Variants in ANK3 observed in about 807,000 individuals in gnomAD.
The protein encoded by ANK3 is ankyrin-3.
ANK3 carries 57 observed loss-of-function variants against 370.9 expected under a neutral mutation model. That is an observed-to-expected ratio of 0.15 (90% CI 0.12 to 0.19). ANK3 has a LOEUF of 0.19. Ranked by LOEUF, ANK3 falls within the 10% of genes least tolerant of loss-of-function variation. ANK3 has a pLI of 1.00. For synonymous variants in ANK3, 1,929 were observed against 1,946.3 expected, an observed-to-expected ratio of 0.99 and a Z score of 0.23; for missense variants, 4,439 against 5,302.1, an observed-to-expected ratio of 0.84 and a Z score of 5.06.
chr10:60,309,488 A>G (rs2045885011), intron 1 of ANK3, among the ~76,000 whole-genome samples: 1 of 152,180 alleles, frequency 6.6e-6, no homozygotes, highest in African/African-American at 2.4e-5. Context: ...TTGAAAATGT[A>G]ATGAACTCTG....
At chr10:60,699,026 G>T (rs1382609419) in intron 1 of ANK3, among the ~76,000 whole-genome samples, 2 of 150,490 alleles carry the variant, frequency 1.3e-5, no homozygotes, top group Non-Finnish European at 3.0e-5. Context: ...AGTAACTCAG[G>T]AATGGAAAAC....
intron 8 of ANK3, among the ~76,000 whole-genome samples, chr10:60,222,771 G>C (rs61847663): frequency 0.57 from 86,163 of 151,188 alleles, 24,656 homozygotes; most frequent in East Asian, 0.79. Flanking sequence ...GAGTCCCTCC[G>C]TTGTTTTACT....
intron 2 of ANK3, among the ~76,000 whole-genome samples, chr10:60,592,694 G>A (rs991613434): frequency 6.6e-6 from 1 of 152,148 alleles, no homozygotes; most frequent in Non-Finnish European, 1.5e-5. Flanking sequence ...AACTCAGGAG[G>A]CAGAAGTCGC....
rs116204184 is a variant in ANK3, at chr10:60,288,635, T to G, written c.115-8996A>C. 5.1e-3 allele frequency among the ~76,000 whole-genome samples: 781 copies of G among 152,170 alleles called. 5 individuals are homozygous for G. Among genetic ancestry groups the G allele is most frequent in the African/African-American group, 0.017 (720 of 41,522 alleles). On this transcript the variant is annotated intron_variant, in intron 1 of 43. Transcript: ENST00000280772. ...TAGACAGTCTCTATGCAAAGGGGATTCCCCTGGGACGGGGGAGTAGGCGAA... is the reference window on the plus strand; with the variant it reads ...TAGACAGTCTCTATGCAAAGGGGATGCCCCTGGGACGGGGGAGTAGGCGAA...
chr10:60,464,734 C>T (rs567025921), intron 2 of ANK3, among the ~76,000 whole-genome samples: 2 of 152,236 alleles, frequency 1.3e-5, no homozygotes, highest in South Asian at 4.1e-4. Flanking sequence ...TATTCAACAA[C>T]AAAATTATAA....
At chr10:60,157,997 C>T (rs1485877153) in intron 23 of ANK3, among the ~76,000 whole-genome samples, 1 of 151,240 alleles carries the variant, frequency 6.6e-6, no homozygotes, top group Non-Finnish European at 1.5e-5. Context: ...GGGAACTTTA[C>T]AAACCTAGAG....
intron 2 of ANK3, among the ~76,000 whole-genome samples, chr10:60,477,750 T>G (rs1377971333): frequency 6.6e-6 from 1 of 151,910 alleles, no homozygotes; most frequent in African/African-American, 2.4e-5. Flanking sequence ...TATAAATGAC[T>G]GAGAAAACAG....
intron 25 of ANK3, among the ~76,000 whole-genome samples, chr10:60,133,279 G>T (rs2094186333): frequency 6.6e-6 from 1 of 152,192 alleles, no homozygotes; most frequent in Non-Finnish European, 1.5e-5. Flanking sequence ...TTATTGTCCA[G>T]ATAGTTTCAT....
At chr10:60,500,576 G>C (rs1210966747) in intron 2 of ANK3, among the ~76,000 whole-genome samples, 1 of 152,140 alleles carries the variant, frequency 6.6e-6, no homozygotes, top group Admixed American at 6.5e-5. Flanking sequence ...TGAAAATACA[G>C]TGAGGTTTTG....
rs375296675 is a variant in ANK3 at position 60,091,053 on chromosome 10, C to T, written c.3329-2695G>A. Reference sequence around the variant, plus strand: ...CTGAATAGCTGGGATTACAGGCACACGCCACCACGCCCAGCTAATTTTTGT... The same window carrying T: ...CTGAATAGCTGGGATTACAGGCACATGCCACCACGCCCAGCTAATTTTTGT... On this transcript the variant is annotated intron_variant, in intron 28 of 43. Transcript: ENST00000280772. Among the ~76,000 whole-genome samples, 8 of 152,130 alleles carry T rather than the reference C, an allele frequency of 5.3e-5. No individual in the cohort carries two copies. The East Asian group carries it at 5.8e-4, about 11-fold the overall frequency.
In ANK3 at chr10:60,200,164, C is replaced by A. The variant is rs2096650500; in HGVS notation, c.1456G>T (p.Val486Leu). Reference protein sequence around the residue: ...SGQAEVVRYLVQDGAQVEAKA... With the variant: ...SGQAEVVRYLLQDGAQVEAKA... ...GCTTCTACCTGAGCTCCGTCTTGTA[C>A]CAGATACCGCACAACTTCAGCTTGG... The change falls in exon 13 of 44, where the codon GTA becomes TTA. Residue 486 changes from valine (V) to leucine (L), a missense_variant. Around this residue, in one of 13 missense-constraint regions of ANK3, gnomAD observed 227 missense variants for 377.6 expected, o/e 0.60. Transcript: ENST00000280772. 6.2e-7 allele frequency: 1 copy of A among 1,614,022 alleles called. No homozygotes were observed. Among genetic ancestry groups the A allele is most frequent in the Non-Finnish European group, 8.5e-7 (1 of 1,180,024 alleles).
intron 7 of ANK3, among the ~76,000 whole-genome samples, chr10:60,255,985 A>G (rs2097729275): frequency 6.6e-6 from 1 of 152,158 alleles, no homozygotes; most frequent in South Asian, 2.1e-4. Context: ...AGACTCTGCA[A>G]CACAGTGGTC....
At chr10:60,579,673 A>G (rs1011829883) in intron 2 of ANK3, among the ~76,000 whole-genome samples, 1 of 152,210 alleles carries the variant, frequency 6.6e-6, no homozygotes, top group Non-Finnish European at 1.5e-5. Context: ...TTTTAAAATA[A>G]GTGTATACTG....
chr10:60,485,755 T>C (rs1291166504), intron 2 of ANK3, among the ~76,000 whole-genome samples: 1 of 152,210 alleles, frequency 6.6e-6, no homozygotes, highest in Admixed American at 6.5e-5. Context: ...TCTAGCACAC[T>C]TGAGTTGTAT....
At chr10:60,180,594 C>CAAAAAAAAAAA (rs58386273) in intron 18 of ANK3, among the ~76,000 whole-genome samples, 675 of 63,172 alleles carry the variant, frequency 0.011, 63 homozygotes, top group Non-Finnish European at 0.014. Context: ...GACTCCGTCT[C>CAAAAAAAAAAA]AAAAAAAAAA....
intron 1 of ANK3, among the ~76,000 whole-genome samples, chr10:60,634,865 C>T (rs967851260): frequency 4.6e-5 from 7 of 151,982 alleles, no homozygotes; most frequent in Non-Finnish European, 4.4e-5. Flanking sequence ...TCTGCGGCCT[C>T]ACTCCTGAAG....
chr10:60,615,941 T>C (rs2078262107), intron 1 of ANK3, among the ~76,000 whole-genome samples: 1 of 152,168 alleles, frequency 6.6e-6, no homozygotes, highest in Admixed American at 6.6e-5. Flanking sequence ...AATATAGTAA[T>C]ATGTGCAATA....
chr10:60,362,160 C>T (rs2058708832), intron 1 of ANK3, among the ~76,000 whole-genome samples: 1 of 151,858 alleles, frequency 6.6e-6, no homozygotes, highest in African/African-American at 2.4e-5. Flanking sequence ...AATAGTGTTC[C>T]ATTATCCATT....
rs551902526 is a variant in ANK3 at position 60,455,813 on chromosome 10, A to C, written c.96+159373T>G. 3.2e-3 allele frequency among the ~76,000 whole-genome samples: 491 copies of C among 152,302 alleles called. 4 individuals are homozygous for C. Among genetic ancestry groups the C allele is most frequent in the Non-Finnish European group, 4.0e-3 (272 of 68,020 alleles). On this transcript the variant is annotated intron_variant, in intron 2 of 43. Coordinates refer to the ANK3 transcript ENST00000373827. ...CTCAGTCTCGGCTATTCGTCTAAGAATAAATCCTTCTTAGGTCTTCATAGA... is the reference window on the plus strand; with the variant it reads ...CTCAGTCTCGGCTATTCGTCTAAGACTAAATCCTTCTTAGGTCTTCATAGA...
Sources: gnomAD v4.1 joint callset for allele counts (sites outside exome capture counted in the v4.1 genomes callset) on GRCh38, gnomAD v4.1.1 for gene constraint, gnomAD v4.1.1 regional missense constraint, MANE v1.5 for transcripts, NCBI Gene and HGNC (gene_info 2026-07-23, HGNC 2026-07-21) for gene names.